Variants in DLC1 observed in about 807,000 individuals in gnomAD.
DLC1 encodes the protein DLC1 Rho GTPase activating protein, also known as rho GTPase-activating protein 7.
In DLC1, 54 loss-of-function variants were observed where a neutral mutation model predicts 140.3. That is an observed-to-expected ratio of 0.38 (90% CI 0.31 to 0.48). DLC1 has a LOEUF of 0.48. DLC1 is among the 20% of genes least tolerant of loss of function. The pLI, the probability that DLC1 is intolerant of heterozygous loss-of-function variation, is 0.96. For missense variants in DLC1, 2,536 were observed against 1,907.0 expected, an observed-to-expected ratio of 1.33 and a Z score of -6.14; for synonymous variants, 986 against 728.1, an observed-to-expected ratio of 1.35 and a Z score of -5.70.
rs149178918 is a variant in DLC1 at position 13,133,969 on chromosome 8, C to T, written c.1349-18312G>A. 4.0e-3 allele frequency among the ~76,000 whole-genome samples: 614 copies of T among 152,332 alleles called. 3 individuals are homozygous for T. Among genetic ancestry groups the T allele is most frequent in the African/African-American group, 0.014 (574 of 41,572 alleles). ...TTAGAGGAATTGAGCTTTCACTCGGCACGTGCTGGGGGTCACAGCCCGTGT... is the reference window on the plus strand; with the variant it reads ...TTAGAGGAATTGAGCTTTCACTCGGTACGTGCTGGGGGTCACAGCCCGTGT... On this transcript the variant is annotated intron_variant, in intron 5 of 17. Coordinates refer to ENST00000276297, the MANE Select transcript of DLC1 (RefSeq NM_182643.3).
intron 5 of DLC1, among the ~76,000 whole-genome samples, chr8:13,193,824 T>A (rs1826899306): frequency 6.6e-6 from 1 of 152,172 alleles, no homozygotes; most frequent in Non-Finnish European, 1.5e-5. Flanking sequence ...AATCTGCCAG[T>A]ACTCATTGGA....
chr8:13,164,709 C>T (rs1824976140), intron 5 of DLC1, among the ~76,000 whole-genome samples: 1 of 152,158 alleles, frequency 6.6e-6, no homozygotes. Context: ...AAAGCTCTTT[C>T]CTCTGTCATA....
rs114585787 is a variant in DLC1 at position 13,308,105 on chromosome 8, T to G, written c.1315-2803A>C. Among the ~76,000 whole-genome samples the G allele has an allele frequency of 4.5e-3, 681 of 152,360 alleles. 2 individuals are homozygous for G. The highest frequency in any genetic ancestry group is 0.016 in the African/African-American group (658 of 41,584). On this transcript the variant is annotated intron_variant, in intron 4 of 17. Coordinates refer to ENST00000276297, the MANE Select transcript of DLC1 (RefSeq NM_182643.3). ...ACAAAAACAAGCCTTTTCTATATTT[T>G]ATTTGATTTCAAAAGTATATAACCA...
chr8:13,588,217 TA>T (rs1174994744), intron 1 of DLC1, among the ~76,000 whole-genome samples: 2 of 152,032 alleles, frequency 1.3e-5, no homozygotes, highest in Middle Eastern at 3.4e-3. Flanking sequence ...AGAATGGGGT[TA>T]AAAAAATAGA....
At chr8:13,417,712 T>C (rs1206493283) in intron 2 of DLC1, among the ~76,000 whole-genome samples, 1 of 152,206 alleles carries the variant, frequency 6.6e-6, no homozygotes, top group Non-Finnish European at 1.5e-5. Flanking sequence ...TTCTAGTCCT[T>C]TGGGTTCATA....
chr8:13,292,848 G>T (rs914415775), intron 5 of DLC1, among the ~76,000 whole-genome samples: 2 of 151,978 alleles, frequency 1.3e-5, no homozygotes, highest in African/African-American at 4.8e-5. Context: ...AACATGAGGG[G>T]ATGTGAATAT....
At chr8:13,455,686 A>G (rs181116323) in intron 2 of DLC1, among the ~76,000 whole-genome samples, 3 of 152,270 alleles carry the variant, frequency 2.0e-5, no homozygotes, top group African/African-American at 7.2e-5. Flanking sequence ...CATTTCACTT[A>G]ATAGTTGTCA....
chr8:13,586,605 ACACACACACAC>A (rs1805325960), intron 1 of DLC1, among the ~76,000 whole-genome samples: 1 of 151,568 alleles, frequency 6.6e-6, no homozygotes, highest in Admixed American at 6.6e-5. Context: ...ACACACACAC[ACACACACACAC>A]ACACACACAC....
chr8:13,295,938 C>CTTCTTTT (rs1831926455), intron 5 of DLC1, among the ~76,000 whole-genome samples: 1 of 53,344 alleles, frequency 1.9e-5, no homozygotes, highest in African/African-American at 7.2e-5. Context: ...AGATAAGATT[C>CTTCTTTT]TTTGTTTTTT....
chr8:13,222,736 T>G (rs77573827), intron 5 of DLC1, among the ~76,000 whole-genome samples: 2,661 of 152,140 alleles, frequency 0.017, 78 homozygotes, highest in African/African-American at 0.06. Flanking sequence ...TACACCTAAA[T>G]TTTTGAGGGG....
At chr8:13,466,690 C>A (rs1044433392) in intron 2 of DLC1, among the ~76,000 whole-genome samples, 1 of 152,128 alleles carries the variant, frequency 6.6e-6, no homozygotes, top group African/African-American at 2.4e-5. Flanking sequence ...AACTACGACA[C>A]AAAATTAGAG....
At chr8:13,506,581 G>GTGTGTATA (rs1246764417) in intron 1 of DLC1, among the ~76,000 whole-genome samples, 57 of 131,142 alleles carry the variant, frequency 4.3e-4, no homozygotes, top group South Asian at 3.8e-3. Flanking sequence ...GTGTGTGTGT[G>GTGTGTATA]TATATATATA....
chr8:13,139,496 A>G lies in DLC1; in HGVS notation c.1349-23839T>C, dbSNP rs1157858476. ...GGTATTGGGCAAAACTAAAATAAAC[A>G]TGAAGAGGGCACTTGGTGGAGACAG... is the stretch of plus-strand genomic sequence containing the variant. On this transcript the variant is annotated intron_variant, in intron 5 of 17. Transcript: ENST00000276297. 2.0e-5 allele frequency among the ~76,000 whole-genome samples: 3 copies of G among 152,126 alleles called. No individual in the cohort carries two copies. In the East Asian group the frequency reaches 5.8e-4, roughly 29 times the overall value.
intron 4 of DLC1, among the ~76,000 whole-genome samples, chr8:13,323,697 G>T: frequency 6.6e-6 from 1 of 152,022 alleles, no homozygotes; most frequent in East Asian, 1.9e-4. Flanking sequence ...TGGTATTCGT[G>T]CCCTTTTTAT....
intron 5 of DLC1, among the ~76,000 whole-genome samples, chr8:13,152,575 G>A (rs1823902897): frequency 6.6e-6 from 1 of 151,994 alleles, no homozygotes; most frequent in Non-Finnish European, 1.5e-5. Flanking sequence ...AATGAATGTT[G>A]TATTTTCTTT....
intron 2 of DLC1, among the ~76,000 whole-genome samples, chr8:13,458,600 G>A (rs1482486528): frequency 6.6e-6 from 1 of 152,178 alleles, no homozygotes; most frequent in Non-Finnish European, 1.5e-5. Flanking sequence ...TCTAAAAACA[G>A]TCATCTGATA....
intron 4 of DLC1, among the ~76,000 whole-genome samples, chr8:13,335,607 T>A (rs992180226): frequency 6.6e-6 from 1 of 152,166 alleles, no homozygotes; most frequent in African/African-American, 2.4e-5. Context: ...CATGGTAAAG[T>A]CATCCTGTGG....
At chr8:13,203,866 G>C (rs1465873475) in intron 5 of DLC1, among the ~76,000 whole-genome samples, 1 of 152,150 alleles carries the variant, frequency 6.6e-6, no homozygotes, top group African/African-American at 2.4e-5. Flanking sequence ...CTTAATTTTA[G>C]ATCTATTCTC....
rs1054904896 is a variant in DLC1 at position 13,100,953 on chromosome 8, C to T, written c.1567-183G>A. ...ATAGGGTCTCACTCTGTTGTACAGG[C>T]TGTATTGCCCAGGCTGATTCTGAAC... On this transcript the variant is annotated intron_variant, in intron 8 of 17. Transcript: ENST00000276297. 4 of 618,580 alleles carry T rather than the reference C, an allele frequency of 6.5e-6. 1 individual carries two copies. The highest frequency in any genetic ancestry group is 8.3e-5 in the South Asian group (2 of 24,032). The allele number at this position is 618,580 out of a possible 1,614,324, so 38.3% of individuals were successfully genotyped here.
Sources: allele counts gnomAD v4.1 joint callset (sites outside exome capture counted in the v4.1 genomes callset), GRCh38; gene constraint gnomAD v4.1.1; transcripts MANE v1.5; gene names NCBI Gene and HGNC (gene_info 2026-07-23, HGNC 2026-07-21).